The following PDE1C variants were observed in gnomAD, a reference collection of about 807,000 sequenced individuals.
The protein encoded by PDE1C is dual specificity calcium/calmodulin-dependent 3',5'-cyclic nucleotide phosphodiesterase 1C.
Under a neutral mutation model 93.1 loss-of-function variants are expected in PDE1C, and 62 were observed. That is an observed-to-expected ratio of 0.67 (90% CI 0.54 to 0.82). The LOEUF (loss-of-function observed/expected upper bound fraction) is 0.82. Among genes scored for constraint, PDE1C ranks in the 40% least tolerant of loss-of-function variants. PDE1C has a pLI of 0.00. For missense variants in PDE1C, 742 were observed against 884.6 expected (o/e 0.84, Z 2.04); for synonymous variants, 325 against 310.1 (o/e 1.05, Z -0.50).
intron 1 of PDE1C, among the ~76,000 whole-genome samples, chr7:32,253,434 T>C (rs1282782722): frequency 1.3e-5 from 2 of 152,204 alleles, no homozygotes; most frequent in Non-Finnish European, 2.9e-5. Context: ...TTCCAGAGAA[T>C]ACAGCTGCCA....
intron 1 of PDE1C, among the ~76,000 whole-genome samples, chr7:32,387,236 T>A (rs1230447326): frequency 4.6e-5 from 7 of 152,094 alleles, no homozygotes; most frequent in Admixed American, 3.9e-4. Flanking sequence ...AGAATTTTTC[T>A]TAGTACAGAA....
chr7:32,406,904 G>A (rs1481643577), intron 1 of PDE1C, among the ~76,000 whole-genome samples: 1 of 152,144 alleles, frequency 6.6e-6, no homozygotes. Context: ...ATTAAACTCA[G>A]AAACTTCCCA....
At chr7:32,374,766 A>C (rs770084280) in intron 1 of PDE1C, among the ~76,000 whole-genome samples, 4 of 152,256 alleles carry the variant, frequency 2.6e-5, no homozygotes, top group Non-Finnish European at 5.9e-5. Context: ...TCCAGAACAG[A>C]TGTTCAAAAG....
chr7:31,902,681 G>T (rs1407994945), intron 2 of PDE1C, among the ~76,000 whole-genome samples: 1 of 151,518 alleles, frequency 6.6e-6, no homozygotes, highest in Admixed American at 6.6e-5. Flanking sequence ...CACTAACAGG[G>T]AATTGATTAA....
chr7:31,947,884 T>C (rs1806827862), intron 2 of PDE1C, among the ~76,000 whole-genome samples: 1 of 152,200 alleles, frequency 6.6e-6, no homozygotes, highest in African/African-American at 2.4e-5. Context: ...TAGGCAGATT[T>C]ACCTAGAAAA....
chr7:31,955,654 A>T (rs1423812414), intron 2 of PDE1C, among the ~76,000 whole-genome samples: 2 of 152,182 alleles, frequency 1.3e-5, no homozygotes, highest in Non-Finnish European at 2.9e-5. Context: ...CATTTAACTC[A>T]TGGAAGTACC....
At chr7:32,253,499 T>C (rs1188984334) in intron 1 of PDE1C, among the ~76,000 whole-genome samples, 1 of 152,222 alleles carries the variant, frequency 6.6e-6, no homozygotes, top group Non-Finnish European at 1.5e-5. Flanking sequence ...AAAGAGAATC[T>C]GCTTATAATA....
intron 1 of PDE1C, among the ~76,000 whole-genome samples, chr7:32,417,670 T>TAAA (rs200338870): frequency 0.13 from 14,384 of 112,028 alleles, 1,138 homozygotes; most frequent in African/African-American, 0.25. Context: ...CCCAATTTAG[T>TAAA]AAAAAAAAAA....
chr7:31,672,930 A>G, the PDE1C span, among the ~76,000 whole-genome samples: 1 of 152,052 alleles, frequency 6.6e-6, no homozygotes, highest in Non-Finnish European at 1.5e-5. Flanking sequence ...AGTTTTTATG[A>G]TATCTGGTTG....
At chr7:31,749,660 G>A (rs1020085047), downstream of PDE1C, among the ~76,000 whole-genome samples, 1 of 152,100 alleles carries the variant, frequency 6.6e-6, no homozygotes, top group African/African-American at 2.4e-5. Flanking sequence ...CAGACAAATC[G>A]GTGCTTCGGG....
chr7:32,241,910 T>C (rs1808571350), intron 1 of PDE1C, among the ~76,000 whole-genome samples: 1 of 152,022 alleles, frequency 6.6e-6, no homozygotes, highest in African/African-American at 2.4e-5. Context: ...GGGTGGGAGA[T>C]ACAGCAAGGG....
intron 1 of PDE1C, among the ~76,000 whole-genome samples, chr7:32,233,373 C>A (rs1207251870): frequency 6.6e-6 from 1 of 151,956 alleles, no homozygotes; most frequent in African/African-American, 2.4e-5. Context: ...TTTAAATACA[C>A]CAATTAAAAG....
At chr7:32,238,424 T>C (rs1195597260) in intron 1 of PDE1C, among the ~76,000 whole-genome samples, 1 of 152,246 alleles carries the variant, frequency 6.6e-6, no homozygotes, top group Admixed American at 6.5e-5. Flanking sequence ...TAAAGTTATA[T>C]ATTTTAACTA....
chr7:31,775,598 C>G, intron 17 of PDE1C, 66 bp downstream of exon 17: 1 of 1,337,748 alleles, frequency 7.5e-7, no homozygotes, highest in Non-Finnish European at 1.1e-6. Flanking sequence ...CAACCCAATT[C>G]CCGAGAAACC....
At chr7:32,181,309 C>A (rs1397754226) in intron 2 of PDE1C, among the ~76,000 whole-genome samples, 1 of 152,208 alleles carries the variant, frequency 6.6e-6, no homozygotes, top group Non-Finnish European at 1.5e-5. Flanking sequence ...TAATAGACAT[C>A]TACAGAACTC....
chr7:31,963,758 C>G (rs575176020), intron 2 of PDE1C, among the ~76,000 whole-genome samples: 1 of 152,318 alleles, frequency 6.6e-6, no homozygotes, highest in East Asian at 1.9e-4. Context: ...AAACATCAAT[C>G]AGCACCTACT....
At chr7:32,039,759 T>A (rs1791575518) in intron 2 of PDE1C, among the ~76,000 whole-genome samples, 1 of 152,214 alleles carries the variant, frequency 6.6e-6, no homozygotes. Flanking sequence ...ACTATTATAA[T>A]TTACTGTCTC....
intron 1 of PDE1C, among the ~76,000 whole-genome samples, chr7:32,321,424 A>G (rs2085306304): frequency 6.6e-6 from 1 of 152,120 alleles, no homozygotes; most frequent in African/African-American, 2.4e-5. Context: ...ATATTACTCT[A>G]CTATGTTAAT....
At chr7:31,699,657 A>G in the PDE1C span, among the ~76,000 whole-genome samples, 2 of 150,892 alleles carry the variant, frequency 1.3e-5, no homozygotes, top group African/African-American at 4.9e-5. Context: ...TTTTTAACCA[A>G]ATTGGATGTT....
Sources: allele counts gnomAD v4.1 joint callset (sites outside exome capture counted in the v4.1 genomes callset), GRCh38; gene constraint gnomAD v4.1.1; transcripts MANE v1.5; gene names NCBI Gene and HGNC (gene_info 2026-07-23, HGNC 2026-07-21).